Variants in CACNA1H observed in about 807,000 individuals in gnomAD.
The protein encoded by CACNA1H is calcium voltage-gated channel subunit alpha1 H.
Under a neutral mutation model 192.5 loss-of-function variants are expected in CACNA1H, and 149 were observed. That is an observed-to-expected ratio of 0.77 (90% CI 0.68 to 0.89). CACNA1H has a LOEUF of 0.89. Among genes scored for constraint, CACNA1H ranks in the 40% least tolerant of loss-of-function variants. CACNA1H has a pLI of 0.00. For synonymous variants in CACNA1H, 2,202 were observed against 1,475.2 expected, an observed-to-expected ratio of 1.49 and a Z score of -11.29; for missense variants, 4,257 against 3,423.5, an observed-to-expected ratio of 1.24 and a Z score of -6.08.
rs2141256394 is a variant in CACNA1H, at chr16:1,201,851, A to G, written c.1401A>G (p.Ile467Met). Residue 467 changes from isoleucine to methionine, a missense_variant, in exon 9 of 35, where the codon ATA becomes ATG. Transcript: ENST00000348261. ...YEELLKYVGHIFRKVKRRSLR... is the reference protein window; with the variant it reads ...YEELLKYVGHMFRKVKRRSLR... The stretch of plus-strand genomic sequence containing the variant: ...AGCTGCTGAAGTACGTGGGCCACAT[A>G]TTCCGCAAGGTCAAGCGGCGCAGCT... The G allele has an allele frequency of 6.4e-7, 1 of 1,566,244 alleles. No individual in the cohort carries two copies. Among genetic ancestry groups the G allele is most frequent in the Non-Finnish European group, 8.6e-7 (1 of 1,156,308 alleles).
At chr16:1,186,293 A>G (rs190029282) in intron 2 of CACNA1H, among the ~76,000 whole-genome samples, 73 of 152,074 alleles carry the variant, frequency 4.8e-4, no homozygotes, top group Non-Finnish European at 8.2e-4. Context: ...GAGGTGTCCC[A>G]GTGGGGCTGT....
Position 1,201,806 on chromosome 16 carries a change from G to A in CACNA1H, c.1356G>A (p.Glu452=), listed in dbSNP as rs745345080. The A allele has an allele frequency of 1.3e-6, 2 of 1,590,184 alleles. No homozygotes were observed. Residue 452 remains glutamate, a synonymous_variant, in exon 9 of 35, where the codon GAG becomes GAA. Coordinates refer to ENST00000348261, the MANE Select transcript of CACNA1H (RefSeq NM_021098.3). The stretch of plus-strand genomic sequence containing the variant: ...ACAGCACGCTGGCCAGCTTCTCCGA[G>A]CCTGGCAGCTGCTACGAAGAGCTGC... ...SNDSTLASFS[E]PGSCYEELLK... is the part of the protein sequence containing the mutation.
chr16:1,193,079 G>A (rs1966758122), intron 2 of CACNA1H, among the ~76,000 whole-genome samples: 2 of 152,262 alleles, frequency 1.3e-5, no homozygotes, highest in East Asian at 1.9e-4. Flanking sequence ...GTGCCGTGGG[G>A]GCTCAGGTCA....
At chr16:1,213,719 G>GCAGGAGC in intron 26 of CACNA1H, 61 bp from the exon 27 acceptor site, 1 of 1,358,730 alleles carries the variant, frequency 7.4e-7, no homozygotes, top group Middle Eastern at 2.6e-4. Flanking sequence ...AATGGAGTCT[G>GCAGGAGC]CAGGAGCCAG....
At chr16:1,188,727 C>T (rs1015183696) in intron 2 of CACNA1H, among the ~76,000 whole-genome samples, 5 of 152,190 alleles carry the variant, frequency 3.3e-5, no homozygotes, top group Admixed American at 6.5e-5. Context: ...GATGAGAAAA[C>T]GGGGGTCAGT....
intron 2 of CACNA1H, among the ~76,000 whole-genome samples, chr16:1,162,488 C>A (rs1050402668): frequency 8.5e-5 from 13 of 152,190 alleles, no homozygotes; most frequent in African/African-American, 3.1e-4. Flanking sequence ...CAGGCTCCTC[C>A]GATGAGGAGC....
chr16:1,205,552 G>A (rs1968593039), intron 11 of CACNA1H, among the ~76,000 whole-genome samples: 2 of 152,234 alleles, frequency 1.3e-5, no homozygotes, highest in Admixed American at 6.5e-5. Flanking sequence ...GTTTCCTGCA[G>A]GAACAAAGCA....
At chr16:1,195,751 C>T (rs1966888673) in intron 4 of CACNA1H, among the ~76,000 whole-genome samples, 175 bp from the exon 5 acceptor site, 1 of 152,164 alleles carries the variant, frequency 6.6e-6, no homozygotes. Flanking sequence ...AGGTGGCCTC[C>T]TGATGTGACC....
Position 1,209,050 on chromosome 16 carries a change from C to T in CACNA1H, c.3382C>T (p.Pro1128Ser), listed in dbSNP as rs914177997. The change falls in exon 17 of 35, where the codon CCC (proline) becomes TCC (serine). Residue 1128 changes from proline (P) to serine (S), a missense_variant. Physicochemically the swap from Pro to Ser is moderately conservative, Grantham distance 74. Transcript: ENST00000348261. ...QKPPASLRSS[P>S]CAPWGPSGAW... Reference sequence around the variant, plus strand: ...CCCCCAGGCCAGCCTCCGAAGTTCTCCCTGTGCCCCCTGGGGCCCCAGTGG... The same window carrying T: ...CCCCCAGGCCAGCCTCCGAAGTTCTTCCTGTGCCCCCTGGGGCCCCAGTGG... The T allele has an allele frequency of 6.5e-7, 1 of 1,529,538 alleles. No homozygotes were observed. 94.7% of individuals were successfully genotyped at this position (1,529,538 alleles called of 1,614,324 possible). A position where few individuals can be genotyped will look rare whatever the true frequency, so the allele number is the denominator to read the frequency against.
intron 3 of CACNA1H, 117 bp downstream of exon 3, chr16:1,195,200 G>T: frequency 1.1e-6 from 1 of 904,516 alleles, no homozygotes; most frequent in South Asian, 1.6e-5. Context: ...GTGGGTCAGG[G>T]TCGGGGATCA....
rs531989222 is a variant in CACNA1H at position 1,205,404 on chromosome 16, G to A, written c.2603+139G>A. ...TTATGACAGGCCGTGGGAAGCAGGT[G>A]CTTGGTGACCCCAGTGGCCCAAGGG... On this transcript the variant is annotated intron_variant, in intron 11 of 34. Coordinates refer to ENST00000348261, the MANE Select transcript of CACNA1H (RefSeq NM_021098.3). 3.2e-5 allele frequency: 31 copies of A among 962,640 alleles called. No individual in the cohort carries two copies. The South Asian group carries it at 4.6e-4, about 14-fold the overall frequency. 59.6% of individuals were successfully genotyped at this position (962,640 alleles called of 1,614,324 possible).
At chr16:1,197,158 A>G (rs1967081887) in intron 5 of CACNA1H, among the ~76,000 whole-genome samples, 1 of 152,162 alleles carries the variant, frequency 6.6e-6, no homozygotes, top group Non-Finnish European at 1.5e-5. Context: ...CCTTGGCTCT[A>G]CTGTGTGGCT....
At position 1,165,826 on chromosome 16, in the gene CACNA1H, C is replaced by T. The variant is rs564881191; in HGVS notation, c.299+11790C>T. On this transcript the variant is annotated intron_variant, in intron 2 of 34. Coordinates refer to ENST00000348261, the MANE Select transcript of CACNA1H (RefSeq NM_021098.3). The stretch of plus-strand genomic sequence containing the variant: ...ATCAGCCCATGGTTTCCTTTCTCCC[C>T]AGGAGGTTTGGGGCTGGGAGCTGGT... 1.9e-3 allele frequency among the ~76,000 whole-genome samples: 294 copies of T among 152,340 alleles called. 2 individuals carry two copies. The highest frequency in any genetic ancestry group is 1.9e-3 in the Non-Finnish European group (128 of 68,020).
intron 2 of CACNA1H, among the ~76,000 whole-genome samples, chr16:1,154,661 G>A (rs1369046462): frequency 2.6e-5 from 4 of 152,170 alleles, no homozygotes; most frequent in African/African-American, 9.7e-5. Flanking sequence ...AAGGGTAGGG[G>A]GCAGGGAGGC....
chr16:1,200,383 C>G lies in CACNA1H; in HGVS notation c.931C>G (p.Leu311Val). ...KCSHIPGRRE[L>V]RMPCTLGWEA... ...CTCGCACATCCCCGGCCGCCGCGAGCTGCGCATGCCCTGCACCCTGGGCTG... is the reference window on the plus strand; with the variant it reads ...CTCGCACATCCCCGGCCGCCGCGAGGTGCGCATGCCCTGCACCCTGGGCTG... Residue 311 changes from leucine (L) to valine (V), a missense_variant, in exon 7 of 35, where the codon CTG becomes GTG. Coordinates refer to ENST00000348261, the MANE Select transcript of CACNA1H (RefSeq NM_021098.3). The G allele has an allele frequency of 1.9e-6, 3 of 1,603,896 alleles. No homozygotes were observed. The highest frequency in any genetic ancestry group is 1.1e-5 in the South Asian group (1 of 90,414).
In CACNA1H at chr16:1,202,155, G is replaced by A. The variant is rs752986607; in HGVS notation, c.1705G>A (p.Ala569Thr). The A allele has an allele frequency of 3.9e-5, 60 of 1,550,736 alleles. No individual in the cohort carries two copies. The South Asian group carries it at 5.3e-4, about 14-fold the overall frequency. Reference sequence around the variant, plus strand: ...TTCCCCAGGCCGCGGACCCCCCGACGCAGAGTCTGTGCACAGCATCTACCA... The same window carrying A: ...TTCCCCAGGCCGCGGACCCCCCGACACAGAGTCTGTGCACAGCATCTACCA... ...PPSPGRGPPD[A>T]ESVHSIYHAD... Residue 569 changes from alanine to threonine, a missense_variant, in exon 9 of 35, where the codon GCA becomes ACA. Ala to Thr is a moderately conservative substitution (Grantham distance 58). Coordinates refer to ENST00000348261, the MANE Select transcript of CACNA1H (RefSeq NM_021098.3).
At position 1,213,643 on chromosome 16, in the gene CACNA1H, C is replaced by T. The variant is rs1458833219; in HGVS notation, c.4778-137C>T. 3 of 588,052 alleles carry T rather than the reference C, an allele frequency of 5.1e-6. No individual in the cohort carries two copies. The East Asian group carries it at 8.7e-5, about 17-fold the overall frequency. The allele number at this position is 588,052 out of a possible 1,614,324, so 36.4% of individuals were successfully genotyped here. ...TGTGAGCCCTGCCATGAGGCAGGGC[C>T]AGCCCCATCTTCACATGAGCCGTGG... On this transcript the variant is annotated intron_variant, in intron 26 of 34. Coordinates refer to ENST00000348261, the MANE Select transcript of CACNA1H (RefSeq NM_021098.3).
In CACNA1H at chr16:1,201,937, A is replaced by C; in HGVS notation, c.1487A>C (p.Gln496Pro). ...WRKKVDPSAV[Q>P]GQGPGHRQRR... ...AAGAAGGTGGACCCCAGTGCTGTGC[A>C]AGGCCAGGGTCCCGGGCACCGCCAG... The change falls in exon 9 of 35, where the codon CAA becomes CCA. Residue 496 changes from glutamine (Q) to proline (P), a missense_variant. By Grantham distance (76) the Gln-to-Pro change is moderately conservative. Coordinates refer to ENST00000348261, the MANE Select transcript of CACNA1H (RefSeq NM_021098.3). The C allele has an allele frequency of 6.5e-7, 1 of 1,549,052 alleles. No individual in the cohort carries two copies. The highest frequency in any genetic ancestry group is 8.7e-7 in the Non-Finnish European group (1 of 1,146,298).
At chr16:1,186,175 A>T (rs1301996775) in intron 2 of CACNA1H, among the ~76,000 whole-genome samples, 1 of 151,402 alleles carries the variant, frequency 6.6e-6, no homozygotes, top group East Asian at 1.9e-4. Context: ...TAGGGGCCGG[A>T]GGCGGGGTGT....
Sources: allele counts gnomAD v4.1 joint callset (sites outside exome capture counted in the v4.1 genomes callset), GRCh38; gene constraint gnomAD v4.1.1; transcripts MANE v1.5; gene names NCBI Gene and HGNC (gene_info 2026-07-23, HGNC 2026-07-21).